GRIK2: variants seen among roughly 807,000 people sequenced by gnomAD.
GRIK2 encodes glutamate ionotropic receptor kainate type subunit 2.
GRIK2 carries 32 observed loss-of-function variants against 100.3 expected under a neutral mutation model. The ratio of observed to expected loss-of-function variants is 0.32; its 90% CI spans 0.24 to 0.43. GRIK2 has a LOEUF of 0.43. Among genes scored for constraint, GRIK2 ranks in the 20% least tolerant of loss-of-function variants. GRIK2 has a pLI of 1.00. For missense variants in GRIK2, 843 were observed against 1,114.9 expected (o/e 0.76, Z 3.47); for synonymous variants, 417 against 389.4 (o/e 1.07, Z -0.83).
chr6:101,597,592 C>A (rs1027716998), intron 2 of GRIK2, among the ~76,000 whole-genome samples: 1 of 151,686 alleles, frequency 6.6e-6, no homozygotes, highest in African/African-American at 2.4e-5. Flanking sequence ...ATGCTCTATT[C>A]TCTGACACAA....
intron 4 of GRIK2, among the ~76,000 whole-genome samples, chr6:101,651,758 G>A (rs778319384): frequency 7.2e-5 from 11 of 152,224 alleles, no homozygotes; most frequent in South Asian, 6.2e-4. Context: ...GCCTACTAAC[G>A]TCTCACTGGA....
At chr6:101,683,740 C>G (rs1051375507) in intron 6 of GRIK2, among the ~76,000 whole-genome samples, 2 of 152,160 alleles carry the variant, frequency 1.3e-5, no homozygotes, top group African/African-American at 2.4e-5. Context: ...CTGTAAAACA[C>G]TTTTAATTGT....
chr6:102,060,657 T>C (rs1582806265), intron 16 of GRIK2, among the ~76,000 whole-genome samples: 1 of 150,800 alleles, frequency 6.6e-6, no homozygotes, highest in East Asian at 1.9e-4. Flanking sequence ...ATGTCAATAT[T>C]TATGTTTTGC....
intron 7 of GRIK2, among the ~76,000 whole-genome samples, chr6:101,688,801 A>G (rs1270893431): frequency 6.6e-6 from 1 of 152,002 alleles, no homozygotes; most frequent in Non-Finnish European, 1.5e-5. Flanking sequence ...GAAGTTTGTC[A>G]TTAAAATAAA....
intron 14 of GRIK2, among the ~76,000 whole-genome samples, chr6:101,929,807 C>G (rs1790143340): frequency 6.6e-6 from 1 of 152,028 alleles, no homozygotes; most frequent in Non-Finnish European, 1.5e-5. Context: ...TAATTATTTT[C>G]AAAGTGAATT....
At chr6:101,564,861 G>A (rs940412655) in intron 2 of GRIK2, among the ~76,000 whole-genome samples, 2 of 152,030 alleles carry the variant, frequency 1.3e-5, no homozygotes, top group Non-Finnish European at 2.9e-5. Context: ...ATAGCACTCC[G>A]ATGTATGTTA....
intron 2 of GRIK2, among the ~76,000 whole-genome samples, chr6:101,416,885 C>A (rs921247926): frequency 6.6e-6 from 1 of 152,082 alleles, no homozygotes; most frequent in East Asian, 1.9e-4. Context: ...TGGGAGAAGC[C>A]TTCATCATTG....
intron 2 of GRIK2, among the ~76,000 whole-genome samples, chr6:101,591,696 AATGAAGT>A (rs1309493109): frequency 6.6e-6 from 1 of 152,070 alleles, no homozygotes; most frequent in East Asian, 1.9e-4. Flanking sequence ...ACAGTGAAAT[AATGAAGT>A]ATGGTGGGGA....
intron 2 of GRIK2, among the ~76,000 whole-genome samples, chr6:101,441,455 T>G (rs971378399): frequency 6.6e-6 from 1 of 152,142 alleles, no homozygotes; most frequent in Admixed American, 6.5e-5. Context: ...GAGAACAAGT[T>G]TTTTGTTTTT....
At chr6:101,726,419 C>T (rs1300497867) in intron 7 of GRIK2, among the ~76,000 whole-genome samples, 1 of 151,960 alleles carries the variant, frequency 6.6e-6, no homozygotes, top group Non-Finnish European at 1.5e-5. Context: ...ATAATGTCTT[C>T]ATGAATTGCT....
At chr6:101,682,695 G>A in intron 6 of GRIK2, 89 bp downstream of exon 6, 1 of 628,108 alleles carries the variant, frequency 1.6e-6, no homozygotes, top group Non-Finnish European at 2.8e-6. Context: ...GAAGTATTAT[G>A]ACTGATTCCT....
intron 16 of GRIK2, among the ~76,000 whole-genome samples, chr6:102,066,100 A>G (rs146978048): frequency 1.0e-3 from 158 of 151,632 alleles, no homozygotes; most frequent in African/African-American, 3.6e-3. Context: ...GTCACATTTA[A>G]TCATCACCCA....
chr6:101,419,282 A>G lies in GRIK2; in HGVS notation c.115+19890A>G, dbSNP rs1390700672. ...TTTACAGTTCTTTCTACCTACAACCACCCTTATCTCAGTGTAGCTCTTTCT... is the reference window on the plus strand; with the variant it reads ...TTTACAGTTCTTTCTACCTACAACCGCCCTTATCTCAGTGTAGCTCTTTCT... On this transcript the variant is annotated intron_variant, in intron 2 of 16. Transcript: ENST00000369134. Among the ~76,000 whole-genome samples the G allele has an allele frequency of 3.3e-5, 5 of 151,942 alleles. No homozygotes were observed. In the East Asian group the frequency reaches 9.7e-4, roughly 29 times the overall value.
intron 14 of GRIK2, among the ~76,000 whole-genome samples, chr6:101,989,375 T>TATTA (rs1405372743): frequency 6.6e-6 from 1 of 151,790 alleles, no homozygotes; most frequent in African/African-American, 2.4e-5. Flanking sequence ...GAAAGGTATT[T>TATTA]ATTAATTAAG....
In GRIK2 at chr6:101,791,653, G is replaced by A. The variant is rs989765924; in HGVS notation, c.952-7995G>A. Among the ~76,000 whole-genome samples, 77 of 152,214 alleles carry A rather than the reference G, an allele frequency of 5.1e-4. 1 individual carries two copies. The highest frequency in any genetic ancestry group is 1.8e-3 in the African/African-American group (76 of 41,520). ...GTATGTGGTCAATTTTGGAATAGGT[G>A]TGGTGTGGTGCTGAAAAAATGTATA... On this transcript the variant is annotated intron_variant, in intron 7 of 16. Transcript: ENST00000369134.
At position 101,664,713 on chromosome 6, in the gene GRIK2, G is replaced by A. The variant is rs145121153; in HGVS notation, c.542-11910G>A. Among the ~76,000 whole-genome samples, 650 of 152,226 alleles carry A rather than the reference G, an allele frequency of 4.3e-3. 7 individuals are homozygous for A. The highest frequency in any genetic ancestry group is 7.4e-3 in the Non-Finnish European group (505 of 68,028). On this transcript the variant is annotated intron_variant, in intron 4 of 16. Transcript: ENST00000369134. ...GCCTGTATTAGTCTGTTCCCACACTGCTAATAAAGACATACCCAAGACTGG... is the reference window on the plus strand; with the variant it reads ...GCCTGTATTAGTCTGTTCCCACACTACTAATAAAGACATACCCAAGACTGG...
intron 4 of GRIK2, among the ~76,000 whole-genome samples, chr6:101,629,163 C>T (rs2128319600): frequency 6.6e-6 from 1 of 152,136 alleles, no homozygotes; most frequent in South Asian, 2.1e-4. Context: ...TATTAAAATG[C>T]TTACTATTTA....
intron 14 of GRIK2, among the ~76,000 whole-genome samples, chr6:102,015,537 A>C (rs1795790050): frequency 6.6e-6 from 1 of 152,218 alleles, no homozygotes; most frequent in East Asian, 1.9e-4. Context: ...AACAGTTGCT[A>C]TCAGGTCCTT....
chr6:101,554,491 G>C (rs1157204602), intron 2 of GRIK2, among the ~76,000 whole-genome samples: 1 of 152,058 alleles, frequency 6.6e-6, no homozygotes, highest in African/African-American at 2.4e-5. Flanking sequence ...GTCACTACCA[G>C]GATATATAAA....
Sources: allele counts gnomAD v4.1 joint callset (sites outside exome capture counted in the v4.1 genomes callset), GRCh38; gene constraint gnomAD v4.1.1; transcripts MANE v1.5; gene names NCBI Gene and HGNC (gene_info 2026-07-23, HGNC 2026-07-21).